FMR1NB: variants seen among roughly 807,000 people sequenced by gnomAD.
The protein encoded by FMR1NB is FMR1 neighbor protein.
In FMR1NB, 10 loss-of-function variants were observed where a neutral mutation model predicts 16.8. That is an observed-to-expected ratio of 0.60 (90% confidence interval 0.37 to 1.01). FMR1NB has a LOEUF of 1.01. Among genes scored for constraint, FMR1NB ranks in the 50% least tolerant of loss-of-function variants. The pLI is 0.01. For missense variants in FMR1NB, 205 were observed against 204.8 expected (o/e 1.00, Z 0.00); for synonymous variants, 83 against 79.1 (o/e 1.05, Z -0.26).
intron 1 of FMR1NB, among the ~76,000 whole-genome samples, chrX:147,994,814 T>C (rs2044533921): frequency 8.9e-6 from 1 of 112,364 alleles, no homozygotes; most frequent in Non-Finnish European, 1.9e-5. Flanking sequence ...AGGTAATATG[T>C]GACTGTATGA....
chrX:148,022,727 G>C (rs5904841), intron 4 of FMR1NB, among the ~76,000 whole-genome samples: 16,136 of 110,900 alleles, frequency 0.15, 1,478 homozygotes, highest in African/African-American at 0.34. Flanking sequence ...TTAGTGATGA[G>C]GCTGAACAAA....
intron 1 of FMR1NB, among the ~76,000 whole-genome samples, chrX:147,985,408 C>T (rs895106808): frequency 3.6e-5 from 4 of 111,247 alleles, no homozygotes; most frequent in Admixed American, 2.9e-4. Context: ...TGGTTTGCTG[C>T]ACCTATCAAC....
chrX:148,009,333 T>C (rs1434170070), intron 4 of FMR1NB, among the ~76,000 whole-genome samples: 1 of 111,407 alleles, frequency 9.0e-6, no homozygotes, highest in Non-Finnish European at 1.9e-5. Context: ...GGCTATTAAC[T>C]GCAAATCAGA....
intron 4 of FMR1NB, 118 bp from the exon 5 acceptor site, chrX:148,024,747 A>G (rs111809190): frequency 1.1e-6 from 1 of 897,637 alleles, no homozygotes; most frequent in Non-Finnish European, 1.5e-6. Flanking sequence ...TGGTGAGTTA[A>G]AAATATCAGG....
chrX:147,986,074 G>T (rs1190966087), intron 1 of FMR1NB, among the ~76,000 whole-genome samples: 1 of 112,503 alleles, frequency 8.9e-6, no homozygotes, highest in African/African-American at 3.2e-5. Flanking sequence ...GACCAGTGAT[G>T]ATGAGCTTCT....
At chrX:148,026,371 A>G (rs782423375) in intron 5 of FMR1NB, 131 bp from the exon 6 acceptor site, 28 of 112,057 alleles carry the variant, frequency 2.5e-4, no homozygotes, top group African/African-American at 8.4e-4. Context: ...CTGAAAATAC[A>G]TAAGTTAATC....
intron 1 of FMR1NB, among the ~76,000 whole-genome samples, chrX:147,993,153 G>A (rs1432133032): frequency 1.8e-5 from 2 of 112,432 alleles, no homozygotes; most frequent in African/African-American, 3.2e-5. Context: ...ACGAGACTCC[G>A]TCTGCAATTC....
chrX:148,015,262 TA>T (rs1317776596), intron 4 of FMR1NB, among the ~76,000 whole-genome samples: 2 of 111,676 alleles, frequency 1.8e-5, no homozygotes, highest in African/African-American at 6.5e-5. Context: ...TTATCTTTCT[TA>T]AAAAAACAAC....
chrX:148,002,113 A>G (rs1231035767), intron 1 of FMR1NB, among the ~76,000 whole-genome samples: 1 of 111,666 alleles, frequency 9.0e-6, no homozygotes, highest in Non-Finnish European at 1.9e-5. Context: ...TTAATTACAT[A>G]TAACATTTTA....
At chrX:148,024,837 G>A (rs781979200) in intron 4 of FMR1NB, 28 bp from the exon 5 acceptor site, 2 of 1,201,914 alleles carry the variant, frequency 1.7e-6, no homozygotes, top group East Asian at 3.0e-5. Flanking sequence ...TGAGAAATAA[G>A]GTTTCACTTG....
At chrX:148,004,583 T>A (rs1279317886) in intron 2 of FMR1NB, among the ~76,000 whole-genome samples, 1 of 112,439 alleles carries the variant, frequency 8.9e-6, no homozygotes, top group Non-Finnish European at 1.9e-5. Context: ...AACTACAGCT[T>A]CATAAAACGT....
chrX:148,013,305 G>A (rs2047066141), intron 4 of FMR1NB, among the ~76,000 whole-genome samples: 1 of 111,548 alleles, frequency 9.0e-6, no homozygotes, highest in Admixed American at 9.5e-5. Flanking sequence ...GCAAAATGAA[G>A]TGTCCTTTTC....
intron 1 of FMR1NB, among the ~76,000 whole-genome samples, chrX:147,995,310 A>G (rs5904829): frequency 0.15 from 16,328 of 111,892 alleles, 1,620 homozygotes; most frequent in African/African-American, 0.37. Context: ...GAATTATGGC[A>G]AAAGCAAAAC....
At chrX:147,992,785 C>T (rs1435189032) in intron 1 of FMR1NB, among the ~76,000 whole-genome samples, 12 of 72,971 alleles carry the variant, frequency 1.6e-4, no homozygotes, top group Non-Finnish European at 9.8e-5. Flanking sequence ...GATGGGGTGG[C>T]GGGGCAGAGG....
At chrX:148,002,406 G>A (rs1251628678) in intron 1 of FMR1NB, among the ~76,000 whole-genome samples, 2 of 110,721 alleles carry the variant, frequency 1.8e-5, no homozygotes, top group African/African-American at 3.3e-5. Flanking sequence ...CTGCTGGAGG[G>A]TAATTTGGAC....
intron 1 of FMR1NB, among the ~76,000 whole-genome samples, chrX:147,991,642 T>G (rs7882103): frequency 0.022 from 2,133 of 96,872 alleles, 77 homozygotes; most frequent in African/African-American, 0.088. Flanking sequence ...ACAAAGGCCT[T>G]CCTTCTTTTT....
At chrX:148,009,900 C>T (rs1333172272) in intron 4 of FMR1NB, among the ~76,000 whole-genome samples, 1 of 111,676 alleles carries the variant, frequency 9.0e-6, no homozygotes, top group African/African-American at 3.3e-5. Context: ...GCCCTTCCTT[C>T]TTCTCTTCAA....
intron 4 of FMR1NB, among the ~76,000 whole-genome samples, chrX:148,013,321 T>A (rs2044634265): frequency 9.0e-6 from 1 of 111,282 alleles, no homozygotes; most frequent in Non-Finnish European, 1.9e-5. Context: ...TTTTCTCAAT[T>A]CCCATTTAAT....
chrX:148,017,786 G>A (rs781907770), intron 4 of FMR1NB, among the ~76,000 whole-genome samples: 91 of 98,595 alleles, frequency 9.2e-4, no homozygotes, highest in African/African-American at 2.8e-3. Context: ...GAGAATATGC[G>A]GTGTTTGGTT....
Sources: gnomAD v4.1 joint callset for allele counts (sites outside exome capture counted in the v4.1 genomes callset) on GRCh38, gnomAD v4.1.1 for gene constraint, MANE v1.5 for transcripts, NCBI Gene and HGNC (gene_info 2026-07-23, HGNC 2026-07-21) for gene names.